PTPRT: variants seen among roughly 807,000 people sequenced by gnomAD.
PTPRT encodes protein tyrosine phosphatase receptor type T.
A neutral mutation model predicts 176.8 loss-of-function variants in PTPRT; 56 were observed. The observed-to-expected ratio is 0.32, with a 90% CI of 0.26 to 0.40. The LOEUF (loss-of-function observed/expected upper bound fraction) is 0.40, where lower values mean the gene tolerates loss of function less well. Among genes scored for constraint, PTPRT ranks in the 10% least tolerant of loss-of-function variants. PTPRT has a pLI of 1.00. For synonymous variants in PTPRT, 783 were observed against 739.0 expected, an observed-to-expected ratio of 1.06 and a Z score of -0.96; for missense variants, 1,540 against 1,908.2, an observed-to-expected ratio of 0.81 and a Z score of 3.60.
At chr20:42,739,818 C>G (rs375729293) in intron 6 of PTPRT, among the ~76,000 whole-genome samples, 1 of 152,210 alleles carries the variant, frequency 6.6e-6, no homozygotes, top group Non-Finnish European at 1.5e-5. Flanking sequence ...ACACTTCATG[C>G]GGCCAACTCC....
intron 7 of PTPRT, among the ~76,000 whole-genome samples, chr20:42,482,640 G>A (rs1408939075): frequency 6.6e-6 from 1 of 152,132 alleles, no homozygotes; most frequent in Non-Finnish European, 1.5e-5. Flanking sequence ...ATAGTAGTAA[G>A]TGCTGTGGAG....
At chr20:43,099,234 T>C (rs749544986) in intron 1 of PTPRT, among the ~76,000 whole-genome samples, 20 of 152,204 alleles carry the variant, frequency 1.3e-4, no homozygotes, top group Non-Finnish European at 2.4e-4. Context: ...TGATTTCCTA[T>C]ATTATGTGGA....
intron 5 of PTPRT, among the ~76,000 whole-genome samples, chr20:42,763,980 TA>T (rs1344212326): frequency 6.6e-6 from 1 of 152,182 alleles, no homozygotes; most frequent in Non-Finnish European, 1.5e-5. Flanking sequence ...GTGTGGTGAA[TA>T]ACAAAGTTCT....
intron 7 of PTPRT, among the ~76,000 whole-genome samples, chr20:42,509,585 G>A (rs2071916742): frequency 6.8e-6 from 1 of 146,706 alleles, no homozygotes; most frequent in African/African-American, 2.5e-5. Context: ...GTTGTAAGGT[G>A]TTCCTTATTC....
chr20:42,658,893 G>C (rs917731521), intron 7 of PTPRT, among the ~76,000 whole-genome samples: 1 of 152,030 alleles, frequency 6.6e-6, no homozygotes, highest in Non-Finnish European at 1.5e-5. Context: ...TTGTTTTAAA[G>C]TGTGTTACTC....
At chr20:43,012,896 C>A (rs111419992) in intron 1 of PTPRT, among the ~76,000 whole-genome samples, 9,593 of 151,988 alleles carry the variant, frequency 0.063, 332 homozygotes, top group Non-Finnish European at 0.08. Flanking sequence ...CAGGGCTCAC[C>A]CACAGGCTTG....
chr20:42,583,661 CTCAT>C (rs2145732296), intron 7 of PTPRT, among the ~76,000 whole-genome samples: 1 of 152,290 alleles, frequency 6.6e-6, no homozygotes, highest in East Asian at 1.9e-4. Context: ...ATTATCTTCT[CTCAT>C]TCATCGATAT....
chr20:43,015,556 T>C (rs936668206), intron 1 of PTPRT, among the ~76,000 whole-genome samples: 3 of 152,148 alleles, frequency 2.0e-5, no homozygotes, highest in East Asian at 1.9e-4. Flanking sequence ...GGGATGGATA[T>C]TGGGATGGGC....
At chr20:42,592,122 G>C (rs1387360296) in intron 7 of PTPRT, among the ~76,000 whole-genome samples, 1 of 151,114 alleles carries the variant, frequency 6.6e-6, no homozygotes, top group Non-Finnish European at 1.5e-5. Context: ...TGGGACTACA[G>C]GCACCCACAA....
At chr20:42,418,203 T>G (rs2059084200) in intron 9 of PTPRT, among the ~76,000 whole-genome samples, 1 of 152,204 alleles carries the variant, frequency 6.6e-6, no homozygotes, top group Non-Finnish European at 1.5e-5. Flanking sequence ...TTATATTAAA[T>G]TACATGGTCA....
intron 1 of PTPRT, among the ~76,000 whole-genome samples, chr20:43,014,858 G>C (rs1421337017): frequency 2.0e-5 from 3 of 152,198 alleles, no homozygotes; most frequent in Non-Finnish European, 4.4e-5. Context: ...TAGGGGATGT[G>C]AAAGTGGGGG....
chr20:42,504,897 G>T (rs2071816792), intron 7 of PTPRT, among the ~76,000 whole-genome samples: 1 of 151,924 alleles, frequency 6.6e-6, no homozygotes, highest in Non-Finnish European at 1.5e-5. Flanking sequence ...ATTTTACTAG[G>T]CTCTGCAGGT....
intron 9 of PTPRT, among the ~76,000 whole-genome samples, chr20:42,436,823 C>G (rs1250578919): frequency 6.6e-6 from 1 of 152,176 alleles, no homozygotes; most frequent in Admixed American, 6.5e-5. Context: ...TATCTTCGTG[C>G]AGTGGAGTAG....
chr20:42,508,923 AAAT>A (rs2071899939), intron 7 of PTPRT, among the ~76,000 whole-genome samples: 2 of 144,938 alleles, frequency 1.4e-5, no homozygotes, highest in South Asian at 2.1e-4. Flanking sequence ...TTATAAATAT[AAAT>A]AATATAATTT....
chr20:42,390,674 A>G (rs1283261394), intron 9 of PTPRT, among the ~76,000 whole-genome samples: 2 of 152,322 alleles, frequency 1.3e-5, no homozygotes, highest in East Asian at 3.9e-4. Flanking sequence ...TTGGAAGTGG[A>G]TCCCCCAGTC....
intron 1 of PTPRT, among the ~76,000 whole-genome samples, chr20:42,992,516 C>A (rs549014058): frequency 2.0e-5 from 3 of 152,194 alleles, no homozygotes; most frequent in South Asian, 4.2e-4. Flanking sequence ...GGGTGAGGAG[C>A]AGAAAAAGGA....
At chr20:42,586,525 T>G (rs1393934814) in intron 7 of PTPRT, among the ~76,000 whole-genome samples, 1 of 152,164 alleles carries the variant, frequency 6.6e-6, no homozygotes, top group African/African-American at 2.4e-5. Context: ...CACCAGAGCC[T>G]GCATTTTCCA....
At chr20:42,468,663 G>A (rs907654840) in intron 8 of PTPRT, among the ~76,000 whole-genome samples, 7 of 152,186 alleles carry the variant, frequency 4.6e-5, no homozygotes, top group Non-Finnish European at 1.0e-4. Context: ...AGAAGTTAAG[G>A]AACGCCTTAA....
At chr20:42,353,540 C>A in intron 9 of PTPRT, among the ~76,000 whole-genome samples, 1 of 152,162 alleles carries the variant, frequency 6.6e-6, no homozygotes, top group Non-Finnish European at 1.5e-5. Flanking sequence ...GTCTACTGTT[C>A]CCTGATCACA....
Sources: allele counts gnomAD v4.1 joint callset (sites outside exome capture counted in the v4.1 genomes callset), GRCh38; gene constraint gnomAD v4.1.1; transcripts MANE v1.5; gene names NCBI Gene and HGNC (gene_info 2026-07-23, HGNC 2026-07-21).